The following MARCHF4 variants were observed in gnomAD, a reference collection of about 807,000 sequenced individuals.
The protein encoded by MARCHF4 is E3 ubiquitin-protein ligase MARCHF4.
A neutral mutation model predicts 43.9 loss-of-function variants in MARCHF4; 14 were observed. The observed-to-expected ratio is 0.32, with a 90% CI of 0.21 to 0.50. The LOEUF is 0.50. Among genes scored for constraint, MARCHF4 ranks in the 20% least tolerant of loss-of-function variants. The pLI is 0.98. For missense variants in MARCHF4, 468 were observed against 536.7 expected (o/e 0.87, Z 1.27); for synonymous variants, 226 against 213.3 (o/e 1.06, Z -0.52).
chr2:216,341,285 G>C (rs1260553210), intron 1 of MARCHF4, among the ~76,000 whole-genome samples: 4 of 152,194 alleles, frequency 2.6e-5, no homozygotes, highest in African/African-American at 9.7e-5. Flanking sequence ...GGTCTCTCGT[G>C]AATGACTGTA....
At chr2:216,353,147 TA>T (rs533025261) in intron 1 of MARCHF4, among the ~76,000 whole-genome samples, 132 of 147,144 alleles carry the variant, frequency 9.0e-4, no homozygotes, top group South Asian at 7.9e-3. Flanking sequence ...CACTTCAACA[TA>T]AAAAAAAAAA....
At chr2:216,342,686 C>G (rs1692255672) in intron 1 of MARCHF4, among the ~76,000 whole-genome samples, 1 of 152,010 alleles carries the variant, frequency 6.6e-6, no homozygotes, top group South Asian at 2.1e-4. Context: ...CTCAGAGACC[C>G]CCTAGGAGGG....
chr2:216,318,326 C>T (rs1691816758), intron 1 of MARCHF4, among the ~76,000 whole-genome samples: 1 of 152,222 alleles, frequency 6.6e-6, no homozygotes, highest in African/African-American at 2.4e-5. Context: ...GGCCAGCCAA[C>T]TGCTGTAGGG....
At chr2:216,262,512 T>A (rs1389872519) in intron 3 of MARCHF4, among the ~76,000 whole-genome samples, 3 of 151,470 alleles carry the variant, frequency 2.0e-5, no homozygotes, top group African/African-American at 7.3e-5. Context: ...AGTGAGAGAG[T>A]CAAGGCCAAG....
At chr2:216,293,633 C>T (rs62181069) in intron 1 of MARCHF4, among the ~76,000 whole-genome samples, 25,619 of 135,726 alleles carry the variant, frequency 0.19, 5,966 homozygotes, top group South Asian at 0.31. Context: ...AAGCCAAACC[C>T]TCCAAACTAT....
rs1692753613 is a variant in MARCHF4 at position 216,371,161 on chromosome 2, TC to T, written c.-902del. On this transcript the variant is annotated 5_prime_UTR_variant, in exon 1 of 4. Coordinates refer to ENST00000273067, the MANE Select transcript of MARCHF4 (RefSeq NM_020814.3). ...GGCGCCTCCTTCCTGAGCATGAAGA[TC>T]CTGGCTAGAGGAAGGGTGTGTGTAC... is the stretch of plus-strand genomic sequence containing the variant. 1 of 152,372 alleles carries T rather than the reference TC, an allele frequency of 6.6e-6. No individual in the cohort carries two copies. Among genetic ancestry groups the T allele is most frequent in the South Asian group, 2.1e-4 (1 of 4,832 alleles). 9.4% of individuals were successfully genotyped at this position (152,372 alleles called of 1,614,324 possible).
In MARCHF4 at chr2:216,258,879, C is replaced by A; in HGVS notation, c.*433G>T. 1 of 154,956 alleles carries A rather than the reference C, an allele frequency of 6.5e-6. No individual in the cohort carries two copies. The allele number at this position is 154,956 out of a possible 1,614,324, so 9.6% of individuals were successfully genotyped here. A position where few individuals can be genotyped will look rare whatever the true frequency, so the allele number is the denominator to read the frequency against. On this transcript the variant is annotated 3_prime_UTR_variant, in exon 4 of 4. Transcript: ENST00000273067. Reference sequence around the variant, plus strand: ...TCTGGCTGCCTGCAGAACACAGCCCCAGGAGAAACAAAACCAAACAGGGTG... The same window carrying A: ...TCTGGCTGCCTGCAGAACACAGCCCAAGGAGAAACAAAACCAAACAGGGTG...
At chr2:216,265,288 T>C (rs1329792954) in intron 3 of MARCHF4, among the ~76,000 whole-genome samples, 1 of 152,214 alleles carries the variant, frequency 6.6e-6, no homozygotes, top group Non-Finnish European at 1.5e-5. Context: ...TCACCTACAA[T>C]GTACCCAACC....
At chr2:216,310,169 T>C (rs563892626) in intron 1 of MARCHF4, among the ~76,000 whole-genome samples, 3 of 152,342 alleles carry the variant, frequency 2.0e-5, no homozygotes, top group African/African-American at 7.2e-5. Flanking sequence ...TGCTACCAAG[T>C]GGTCACCTAG....
At chr2:216,354,952 T>C (rs1462804083) in intron 1 of MARCHF4, among the ~76,000 whole-genome samples, 1 of 145,290 alleles carries the variant, frequency 6.9e-6, no homozygotes, top group Non-Finnish European at 1.5e-5. Flanking sequence ...TCTTTCTTTC[T>C]TTCTTTCTTT....
At chr2:216,342,048 G>A (rs1309568624) in intron 1 of MARCHF4, among the ~76,000 whole-genome samples, 1 of 152,224 alleles carries the variant, frequency 6.6e-6, no homozygotes, top group African/African-American at 2.4e-5. Context: ...GCAGCCCATT[G>A]ATTCTGGATC....
At chr2:216,298,627 C>G (rs1691434582) in intron 1 of MARCHF4, among the ~76,000 whole-genome samples, 1 of 151,994 alleles carries the variant, frequency 6.6e-6, no homozygotes, top group South Asian at 2.1e-4. Flanking sequence ...ATGTATGTGC[C>G]CAGAGGCTGG....
intron 1 of MARCHF4, among the ~76,000 whole-genome samples, chr2:216,358,626 G>A (rs889432580): frequency 6.6e-6 from 1 of 152,144 alleles, no homozygotes; most frequent in East Asian, 1.9e-4. Flanking sequence ...CTTAATGTGG[G>A]TCAAGTGGTG....
chr2:216,351,074 T>A (rs1435434920), intron 1 of MARCHF4, among the ~76,000 whole-genome samples: 1 of 152,150 alleles, frequency 6.6e-6, no homozygotes, highest in African/African-American at 2.4e-5. Context: ...AATTTCATAG[T>A]TTTCTCCTGA....
At chr2:216,285,331 C>T (rs1691201491) in intron 1 of MARCHF4, among the ~76,000 whole-genome samples, 1 of 152,176 alleles carries the variant, frequency 6.6e-6, no homozygotes, top group Admixed American at 6.5e-5. Flanking sequence ...AGGTGCTCAT[C>T]CCCATGAAAC....
chr2:216,350,893 A>C (rs1692396499), intron 1 of MARCHF4, among the ~76,000 whole-genome samples: 1 of 152,182 alleles, frequency 6.6e-6, no homozygotes, highest in Non-Finnish European at 1.5e-5. Context: ...CATCACAGGT[A>C]CTTGAAAAAT....
intron 1 of MARCHF4, among the ~76,000 whole-genome samples, chr2:216,318,868 A>C (rs1158575248): frequency 6.6e-6 from 1 of 152,204 alleles, no homozygotes; most frequent in Non-Finnish European, 1.5e-5. Flanking sequence ...GATTTTAAAG[A>C]CACAGATTTC....
chr2:216,301,249 T>C (rs1219326064), intron 1 of MARCHF4, among the ~76,000 whole-genome samples: 1 of 152,232 alleles, frequency 6.6e-6, no homozygotes, highest in Non-Finnish European at 1.5e-5. Flanking sequence ...GAACCTCCCA[T>C]GCTCAGGGGC....
At chr2:216,291,059 T>C (rs1445801414) in intron 1 of MARCHF4, among the ~76,000 whole-genome samples, 1 of 152,120 alleles carries the variant, frequency 6.6e-6, no homozygotes, top group African/African-American at 2.4e-5. Flanking sequence ...AAGCTGAGTC[T>C]GAATGAGACA....
Sources: allele counts gnomAD v4.1 joint callset (sites outside exome capture counted in the v4.1 genomes callset), GRCh38; gene constraint gnomAD v4.1.1; transcripts MANE v1.5; gene names NCBI Gene and HGNC (gene_info 2026-07-23, HGNC 2026-07-21).